The following MOCOS variants were observed in gnomAD, a reference collection of about 807,000 sequenced individuals.
MOCOS encodes the protein molybdenum cofactor sulfurase.
A neutral mutation model predicts 83.6 loss-of-function variants in MOCOS; 86 were observed. The ratio of observed to expected loss-of-function variants is 1.03; its 90% CI spans 0.86 to 1.23. MOCOS has a LOEUF of 1.23. MOCOS is among the 50% of genes most tolerant of loss of function. The pLI, the probability that MOCOS is intolerant of heterozygous loss-of-function variation, is 0.00. For synonymous variants in MOCOS, 445 were observed against 434.7 expected (o/e 1.02, Z -0.29); for missense variants, 1,120 against 1,126.9 (o/e 0.99, Z 0.09).
intron 13 of MOCOS, among the ~76,000 whole-genome samples, chr18:36,265,555 C>T (rs1268000225): frequency 6.6e-6 from 1 of 152,126 alleles, no homozygotes; most frequent in Admixed American, 6.5e-5. Context: ...AAATCAAGTA[C>T]CTTTGCACTT....
intron 7 of MOCOS, among the ~76,000 whole-genome samples, chr18:36,214,394 T>A (rs2091467886): frequency 6.6e-6 from 1 of 152,130 alleles, no homozygotes; most frequent in South Asian, 2.1e-4. Flanking sequence ...GATGTGCCCT[T>A]ACCTGGTTCA....
intron 9 of MOCOS, among the ~76,000 whole-genome samples, chr18:36,221,371 C>T (rs139433997): frequency 1.3e-5 from 2 of 152,232 alleles, no homozygotes; most frequent in African/African-American, 2.4e-5. Flanking sequence ...AGGTCCTCCT[C>T]CTCCTCTTCC....
chr18:36,200,523 C>G (rs1247244539), intron 4 of MOCOS, among the ~76,000 whole-genome samples, 199 bp downstream of exon 4: 2 of 152,144 alleles, frequency 1.3e-5, no homozygotes, highest in East Asian at 3.8e-4. Context: ...TCAGTGAACT[C>G]TACCCCCATT....
intron 7 of MOCOS, 123 bp downstream of exon 7, chr18:36,213,605 T>C (rs1373880928): frequency 6.1e-6 from 5 of 825,776 alleles, no homozygotes; most frequent in Non-Finnish European, 1.0e-5. Flanking sequence ...ACTCTGTGCA[T>C]GTACAAAGGA....
intron 6 of MOCOS, among the ~76,000 whole-genome samples, chr18:36,209,469 T>C (rs56243053): frequency 0.056 from 8,576 of 152,236 alleles, 282 homozygotes; most frequent in East Asian, 0.099. Flanking sequence ...ACCCAATATG[T>C]AGCCTTTTAT....
chr18:36,253,825 G>C (rs957268359), intron 11 of MOCOS, among the ~76,000 whole-genome samples: 2 of 152,126 alleles, frequency 1.3e-5, no homozygotes, highest in Non-Finnish European at 2.9e-5. Flanking sequence ...GAGAAGGGTT[G>C]AGTGTGCCAC....
Position 36,210,850 on chromosome 18 carries a change from C to CAAAAAAAAAAAAAAAAAAAAA in MOCOS, c.1219-2506_1219-2486dup, listed in dbSNP as rs60856965. 2.1e-3 allele frequency among the ~76,000 whole-genome samples: 101 copies of CAAAAAAAAAAAAAAAAAAAAA among 48,046 alleles called. 10 individuals are homozygous for CAAAAAAAAAAAAAAAAAAAAA. Among genetic ancestry groups the CAAAAAAAAAAAAAAAAAAAAA allele is most frequent in the Middle Eastern group, 0.016 (1 of 62 alleles). The allele number at this position is 48,046 out of a possible 152,430, so 31.5% of individuals were successfully genotyped here. A position where few individuals can be genotyped will look rare whatever the true frequency, so the allele number is the denominator to read the frequency against. Reference sequence around the variant, plus strand: ...TGGGTGACAGAGCAAGACTCTGTCTCAAAAAAAAAAAAAAAAAAAAAAAAA... The same window carrying CAAAAAAAAAAAAAAAAAAAAA: ...TGGGTGACAGAGCAAGACTCTGTCTCAAAAAAAAAAAAAAAAAAAAAAAAAAAAAAAAAAAAAAAAAAAAAA... On this transcript the variant is annotated intron_variant, in intron 6 of 14. Coordinates refer to ENST00000261326, the MANE Select transcript of MOCOS (RefSeq NM_017947.4).
At chr18:36,197,175 A>G (rs1335704811) in intron 2 of MOCOS, among the ~76,000 whole-genome samples, 4 of 152,108 alleles carry the variant, frequency 2.6e-5, no homozygotes, top group Admixed American at 1.3e-4. Flanking sequence ...GGAGGCCGGG[A>G]TCAATTATTT....
In MOCOS at chr18:36,215,848, T is replaced by G; in HGVS notation, c.1668T>G (p.Pro556=). Residue 556 remains proline (P), a synonymous_variant, in exon 8 of 15, where the codon CCT becomes CCG. Transcript: ENST00000261326. ...STVNAVPVAP[P]VCDVARTQPT... ...TGAATGCTGTGCCTGTGGCCCCACC[T>G]GTGTGTGATGTCGCCAGAACCCAGC... is the stretch of plus-strand genomic sequence containing the variant. 2 of 1,614,210 alleles carry G rather than the reference T, an allele frequency of 1.2e-6. No individual in the cohort carries two copies. Among genetic ancestry groups the G allele is most frequent in the Non-Finnish European group, 1.7e-6 (2 of 1,180,040 alleles).
chr18:36,254,132 G>C (rs956772466), intron 11 of MOCOS, among the ~76,000 whole-genome samples: 1 of 152,164 alleles, frequency 6.6e-6, no homozygotes, highest in East Asian at 1.9e-4. Context: ...TTTACACTTA[G>C]AGGACACCCC....
intron 9 of MOCOS, among the ~76,000 whole-genome samples, chr18:36,235,984 T>C (rs1395623982): frequency 6.6e-6 from 1 of 150,658 alleles, no homozygotes; most frequent in Non-Finnish European, 1.5e-5. Flanking sequence ...GGTTGTTTGT[T>C]TTTTTCTTGT....
chr18:36,188,067 C>G (rs1216746543), intron 1 of MOCOS, among the ~76,000 whole-genome samples: 2 of 152,122 alleles, frequency 1.3e-5, no homozygotes, highest in Non-Finnish European at 2.9e-5. Context: ...GATGTCCTCC[C>G]GAGGTAGGAG....
Position 36,215,902 on chromosome 18 carries a change from C to T in MOCOS, c.1722C>T (p.Val574=). ...CTCCTTCAGAGAAAGCTGCAGGAGTCCTGGAGGGGGCCCTTGGGCCACATG... is the reference window on the plus strand; with the variant it reads ...CTCCTTCAGAGAAAGCTGCAGGAGTTCTGGAGGGGGCCCTTGGGCCACATG... ...QPTPSEKAAG[V]LEGALGPHVV... Residue 574 remains valine (V), a synonymous_variant, in exon 8 of 15, where the codon GTC becomes GTT. Transcript: ENST00000261326. The T allele has an allele frequency of 6.2e-7, 1 of 1,613,938 alleles. No homozygotes were observed. The highest frequency in any genetic ancestry group is 8.5e-7 in the Non-Finnish European group (1 of 1,179,830).
chr18:36,204,428 A>G (rs1222054929), intron 5 of MOCOS, among the ~76,000 whole-genome samples: 1 of 152,240 alleles, frequency 6.6e-6, no homozygotes, highest in Admixed American at 6.5e-5. Context: ...TGATTTAAAC[A>G]TTAATAATAA....
intron 9 of MOCOS, among the ~76,000 whole-genome samples, chr18:36,233,426 C>T (rs1885737598): frequency 6.6e-6 from 1 of 152,082 alleles, no homozygotes; most frequent in Non-Finnish European, 1.5e-5. Flanking sequence ...TTTTCTTTAT[C>T]CACGCATTGG....
At chr18:36,235,809 T>G (rs2091556214) in intron 9 of MOCOS, among the ~76,000 whole-genome samples, 2 of 146,630 alleles carry the variant, frequency 1.4e-5, no homozygotes, top group Non-Finnish European at 3.0e-5. Context: ...CCTGACTTTT[T>G]AATGATTGCC....
rs543780521 is a variant in MOCOS, at chr18:36,218,334, G to A, written c.1798-1721G>A. Among the ~76,000 whole-genome samples, 386 of 150,052 alleles carry A rather than the reference G, an allele frequency of 2.6e-3. 3 individuals are homozygous for A. The highest frequency in any genetic ancestry group is 9.0e-3 in the African/African-American group (371 of 41,054). On this transcript the variant is annotated intron_variant, in intron 8 of 14. Transcript: ENST00000261326. ...TGTCAAATTTAATTTTACCTTTTATGGCTTTTTTTTTTTCTTTTAGAGAAA... is the reference window on the plus strand; with the variant it reads ...TGTCAAATTTAATTTTACCTTTTATAGCTTTTTTTTTTTCTTTTAGAGAAA...
chr18:36,195,445 C>A, intron 2 of MOCOS, 99 bp downstream of exon 2: 1 of 1,145,838 alleles, frequency 8.7e-7, no homozygotes, highest in South Asian at 1.3e-5. Context: ...ATATTCTGAC[C>A]ACAAAAAGCT....
At chr18:36,230,550 G>A (rs1165608242) in intron 9 of MOCOS, among the ~76,000 whole-genome samples, 5 of 152,310 alleles carry the variant, frequency 3.3e-5, no homozygotes, top group East Asian at 3.9e-4. Flanking sequence ...TGCTTATGGT[G>A]TGATGAGCAC....
Sources: allele counts gnomAD v4.1 joint callset (sites outside exome capture counted in the v4.1 genomes callset), GRCh38; gene constraint gnomAD v4.1.1; transcripts MANE v1.5; gene names NCBI Gene and HGNC (gene_info 2026-07-23, HGNC 2026-07-21).